ARHGAP31: variants seen among roughly 807,000 people sequenced by gnomAD.
The protein encoded by ARHGAP31 is Rho GTPase activating protein 31.
A neutral mutation model predicts 113.9 loss-of-function variants in ARHGAP31; 34 were observed. That is an observed-to-expected ratio of 0.30 (90% CI 0.23 to 0.40). The LOEUF (loss-of-function observed/expected upper bound fraction) is 0.40. Ranked by LOEUF, ARHGAP31 falls within the 10% of genes least tolerant of loss-of-function variation. The pLI, the probability that ARHGAP31 is intolerant of heterozygous loss-of-function variation, is 1.00. For missense variants in ARHGAP31, 1,548 were observed against 1,767.1 expected, an observed-to-expected ratio of 0.88 and a Z score of 2.22; for synonymous variants, 650 against 684.8, an observed-to-expected ratio of 0.95 and a Z score of 0.79.
At chr3:119,327,131 C>A (rs890470624) in intron 1 of ARHGAP31, among the ~76,000 whole-genome samples, 1 of 151,970 alleles carries the variant, frequency 6.6e-6, no homozygotes, top group Non-Finnish European at 1.5e-5. Flanking sequence ...TAGAGCCAGA[C>A]CTTGTCTCAA....
At chr3:119,295,422 C>T (rs923088556) in intron 1 of ARHGAP31, among the ~76,000 whole-genome samples, 1 of 142,232 alleles carries the variant, frequency 7.0e-6, no homozygotes, top group Non-Finnish European at 1.5e-5. Context: ...AGCTGTCCCT[C>T]CTGGGCTCTC....
At chr3:119,390,355 C>A (rs2080492589) in intron 6 of ARHGAP31, among the ~76,000 whole-genome samples, 2 of 152,224 alleles carry the variant, frequency 1.3e-5, no homozygotes, top group South Asian at 2.1e-4. Flanking sequence ...GGAGGAGAGG[C>A]AGCCTCCTGC....
At chr3:119,317,662 A>G (rs141544595) in intron 1 of ARHGAP31, among the ~76,000 whole-genome samples, 233 of 152,228 alleles carry the variant, frequency 1.5e-3, no homozygotes, top group African/African-American at 5.2e-3. Context: ...CATCCCAATT[A>G]CTGTAGGAGG....
At chr3:119,392,487 A>G (rs1407977665) in intron 7 of ARHGAP31, among the ~76,000 whole-genome samples, 3 of 152,202 alleles carry the variant, frequency 2.0e-5, no homozygotes, top group Non-Finnish European at 4.4e-5. Context: ...TGGGCTTGAG[A>G]TCTGGATGTT....
At position 119,414,818 on chromosome 3, in the gene ARHGAP31, C is replaced by T. The variant is rs2080757814; in HGVS notation, c.2889C>T (p.Ser963=). The T allele has an allele frequency of 6.2e-7, 1 of 1,614,216 alleles. No homozygotes were observed. Among genetic ancestry groups the T allele is most frequent in the South Asian group, 1.1e-5 (1 of 91,084 alleles). Residue 963 remains serine, a synonymous_variant, in exon 12 of 12, where the codon AGC becomes AGT. Coordinates refer to ENST00000264245, the MANE Select transcript of ARHGAP31 (RefSeq NM_020754.4). Reference sequence around the variant, plus strand: ...TAGATAGCAAACCCACGGTTAAAAGCCAGTGGACTCTCGAGGTTCCCTCCT... The same window carrying T: ...TAGATAGCAAACCCACGGTTAAAAGTCAGTGGACTCTCGAGGTTCCCTCCT... ...HSLDSKPTVK[S]QWTLEVPSSS...
chr3:119,303,171 G>A (rs2079600270), intron 1 of ARHGAP31, among the ~76,000 whole-genome samples: 1 of 152,232 alleles, frequency 6.6e-6, no homozygotes, highest in Non-Finnish European at 1.5e-5. Context: ...CTCTCAGGGT[G>A]AGCCCCATGT....
At chr3:119,321,559 A>T (rs960923282) in intron 1 of ARHGAP31, among the ~76,000 whole-genome samples, 2 of 149,690 alleles carry the variant, frequency 1.3e-5, no homozygotes, top group African/African-American at 2.4e-5. Flanking sequence ...TATATATATT[A>T]TATATATATA....
intron 6 of ARHGAP31, among the ~76,000 whole-genome samples, chr3:119,385,133 G>T (rs1354527890): frequency 6.6e-6 from 1 of 151,950 alleles, no homozygotes; most frequent in Non-Finnish European, 1.5e-5. Flanking sequence ...TCACCATGTT[G>T]TCCAGGCTGG....
At chr3:119,337,467 G>C (rs541552382) in intron 1 of ARHGAP31, among the ~76,000 whole-genome samples, 27 of 152,294 alleles carry the variant, frequency 1.8e-4, no homozygotes, top group Admixed American at 8.5e-4. Context: ...AACATTTACT[G>C]CAAAAAGCAA....
At chr3:119,325,423 C>T (rs868548532) in intron 1 of ARHGAP31, among the ~76,000 whole-genome samples, 1 of 152,226 alleles carries the variant, frequency 6.6e-6, no homozygotes, top group Non-Finnish European at 1.5e-5. Flanking sequence ...TCCCCCTTTA[C>T]AGGCAACATA....
chr3:119,382,427 C>G, intron 5 of ARHGAP31, 28 bp downstream of exon 5: 1 of 1,595,966 alleles, frequency 6.3e-7, no homozygotes, highest in Non-Finnish European at 8.6e-7. Flanking sequence ...CCCTTGTCAC[C>G]AGCCCAGGGG....
Position 119,394,883 on chromosome 3 carries a change from T to G in ARHGAP31, c.1006+1292T>G, listed in dbSNP as rs115404285. ...AAGATATTAAATGATATTAAGGAAT[T>G]ATAAATTTTCATAGTATGCTAATGG... On this transcript the variant is annotated intron_variant, in intron 8 of 11. Transcript: ENST00000264245. 7.1e-3 allele frequency among the ~76,000 whole-genome samples: 1,086 copies of G among 152,298 alleles called. 17 individuals are homozygous for G. Among genetic ancestry groups the G allele is most frequent in the African/African-American group, 0.025 (1,028 of 41,560 alleles).
intron 1 of ARHGAP31, among the ~76,000 whole-genome samples, chr3:119,309,887 G>T (rs918871905): frequency 6.6e-6 from 1 of 151,828 alleles, no homozygotes; most frequent in African/African-American, 2.4e-5. Context: ...AGAGCACTTT[G>T]AGTTAGGTAA....
At chr3:119,311,999 AC>A (rs1440015708) in intron 1 of ARHGAP31, among the ~76,000 whole-genome samples, 1 of 152,254 alleles carries the variant, frequency 6.6e-6, no homozygotes, top group African/African-American at 2.4e-5. Context: ...TCAAAAGAGA[AC>A]AAAGGTGACA....
intron 1 of ARHGAP31, among the ~76,000 whole-genome samples, chr3:119,296,316 A>G (rs1327459200): frequency 1.3e-5 from 2 of 152,228 alleles, no homozygotes; most frequent in East Asian, 3.8e-4. Context: ...CTCTTTTGAA[A>G]TTGATGCATA....
intron 1 of ARHGAP31, among the ~76,000 whole-genome samples, chr3:119,362,593 C>G (rs527915401): frequency 2.6e-5 from 4 of 151,862 alleles, no homozygotes; most frequent in Non-Finnish European, 5.9e-5. Context: ...CATAGTGAAA[C>G]CTTACCTCTA....
intron 1 of ARHGAP31, among the ~76,000 whole-genome samples, chr3:119,318,918 A>G (rs577604660): frequency 1.3e-5 from 2 of 152,294 alleles, no homozygotes; most frequent in African/African-American, 4.8e-5. Context: ...TGGTCCAACA[A>G]CCTGCCCATT....
At chr3:119,315,841 T>C (rs569159660) in intron 1 of ARHGAP31, among the ~76,000 whole-genome samples, 2 of 152,264 alleles carry the variant, frequency 1.3e-5, no homozygotes, top group South Asian at 4.1e-4. Context: ...TCCAAGTTAA[T>C]AGAAGGACAG....
chr3:119,302,660 TGATTTAACCAAGTGATGCCAA>T (rs1290239746), intron 1 of ARHGAP31, among the ~76,000 whole-genome samples: 1 of 152,212 alleles, frequency 6.6e-6, no homozygotes, highest in African/African-American at 2.4e-5. Flanking sequence ...GAAAACTGAG[TGATTTAACCAAGTGATGCCAA>T]GATTATAGAG....
Sources: gnomAD v4.1 joint callset for allele counts (sites outside exome capture counted in the v4.1 genomes callset) on GRCh38, gnomAD v4.1.1 for gene constraint, MANE v1.5 for transcripts, NCBI Gene and HGNC (gene_info 2026-07-23, HGNC 2026-07-21) for gene names.